GART: variants seen among roughly 807,000 people sequenced by gnomAD.
GART encodes the protein phosphoribosylglycinamide formyltransferase, phosphoribosylglycinamide synthetase, phosphoribosylaminoimidazole synthetase.
In GART, 43 loss-of-function variants were observed where a neutral mutation model predicts 107.2. The ratio of observed to expected loss-of-function variants is 0.40; its 90% CI spans 0.31 to 0.52. The LOEUF is 0.52. Among genes scored for constraint, GART ranks in the 20% least tolerant of loss-of-function variants. The pLI, the probability that GART is intolerant of heterozygous loss-of-function variation, is 0.52. For synonymous variants in GART, 434 were observed against 427.0 expected (o/e 1.02, Z -0.20); for missense variants, 1,107 against 1,206.5 (o/e 0.92, Z 1.22).
intron 7 of GART, among the ~76,000 whole-genome samples, chr21:33,530,144 A>G (rs1430864382): frequency 6.6e-6 from 1 of 152,230 alleles, no homozygotes; most frequent in Non-Finnish European, 1.5e-5. Flanking sequence ...GTGAGCCAAG[A>G]TCGTGCCACT....
chr21:33,530,013 G>T (rs2085153381), intron 7 of GART, among the ~76,000 whole-genome samples: 2 of 151,924 alleles, frequency 1.3e-5, no homozygotes, highest in Admixed American at 1.3e-4. Context: ...CCAACATGGT[G>T]AAACCCCATC....
upstream of GART, chr21:33,542,396 C>G (rs76650739): frequency 0.017 from 2,626 of 152,454 alleles, 32 homozygotes; most frequent in Non-Finnish European, 0.027. Context: ...TTGTGCGCCG[C>G]TCACGAGTCA....
At chr21:33,528,456 T>TA (rs2085115992) in intron 9 of GART, 63 bp downstream of exon 9, 3 of 1,543,432 alleles carry the variant, frequency 1.9e-6, no homozygotes, top group Non-Finnish European at 2.7e-6. Context: ...TCCAGGCTGA[T>TA]AAATTCCAAG....
chr21:33,539,238 A>C lies in GART; in HGVS notation c.78T>G (p.His26Gln). The C allele has an allele frequency of 1.2e-6, 2 of 1,614,220 alleles. No homozygotes were observed. The highest frequency in any genetic ancestry group is 1.6e-4 in the Middle Eastern group (1 of 6,062). ...TLAWKLAQSH[H>Q]VKQVLVAPGN... ...CTGGGGCAACCAACACTTGTTTGACATGATGAGACTGTGCAAGTTTCCAGG... is the reference window on the plus strand; with the variant it reads ...CTGGGGCAACCAACACTTGTTTGACCTGATGAGACTGTGCAAGTTTCCAGG... The change falls in exon 2 of 22, where the codon CAT becomes CAG. Residue 26 changes from histidine to glutamine, a missense_variant. His to Gln is a conservative substitution (Grantham distance 24). Coordinates refer to ENST00000381815, the MANE Select transcript of GART (RefSeq NM_000819.5).
chr21:33,520,887 C>G lies in GART; in HGVS notation c.1503+19G>C, dbSNP rs779275508. The G allele has an allele frequency of 6.5e-7, 1 of 1,542,800 alleles. No individual in the cohort carries two copies. Among genetic ancestry groups the G allele is most frequent in the Admixed American group, 1.9e-5 (1 of 53,250 alleles). On this transcript the variant is annotated intron_variant, in intron 13 of 21. Transcript: ENST00000381815. ...TCATCTTTCCTAAAAGGCCTTTATT[C>G]ACAAAGGTGTCTGATTACCTTTAGT... is the stretch of plus-strand genomic sequence containing the variant.
At chr21:33,522,043 G>A in intron 12 of GART, 145 bp downstream of exon 12, 1 of 563,838 alleles carries the variant, frequency 1.8e-6, no homozygotes, top group Non-Finnish European at 3.1e-6. Context: ...AGAAAAGAAA[G>A]CAGAAGACTG....
chr21:33,508,038 C>A (rs931332871), intron 18 of GART, among the ~76,000 whole-genome samples: 1 of 152,060 alleles, frequency 6.6e-6, no homozygotes, highest in Non-Finnish European at 1.5e-5. Flanking sequence ...ATTAAAAAAA[C>A]TCCCTTCCTC....
Position 33,535,330 on chromosome 21 carries a change from GAAAAAA to G in GART, c.146-16_146-11del. ...TCACTGATTGAGATGGCTGTAAACAGAAAAAAAAAAAAAAAAACCACTGCATTTACA... is the reference window on the plus strand; with the variant it reads ...TCACTGATTGAGATGGCTGTAAACAGAAAAAAAAAAACCACTGCATTTACA... On this transcript the variant is annotated splice_polypyrimidine_tract_variant and intron_variant, in intron 2 of 21. Transcript: ENST00000381815. 1.9e-5 allele frequency: 7 copies of G among 365,848 alleles called. No individual in the cohort carries two copies. The highest frequency in any genetic ancestry group is 3.1e-5 in the Non-Finnish European group (7 of 225,442). The allele number at this position is 365,848 out of a possible 1,614,324, so 22.7% of individuals were successfully genotyped here. A position where few individuals can be genotyped will look rare whatever the true frequency, so the allele number is the denominator to read the frequency against.
chr21:33,518,647 T>A lies in GART; in HGVS notation c.1703-1039A>T, dbSNP rs2084918985. ...ATAGCAGCTCCTAGTTACTTCATATTTTTTCTTCTTCAGAAGTTGACTCAA... is the reference window on the plus strand; with the variant it reads ...ATAGCAGCTCCTAGTTACTTCATATATTTTCTTCTTCAGAAGTTGACTCAA... On this transcript the variant is annotated intron_variant, in intron 14 of 21. Transcript: ENST00000381815. 1.2e-5 allele frequency: 5 copies of A among 401,498 alleles called. 1 individual carries two copies. The highest frequency in any genetic ancestry group is 7.8e-5 in the South Asian group (4 of 51,596). 24.9% of individuals were successfully genotyped at this position (401,498 alleles called of 1,614,324 possible).
rs2085129647 is a variant in GART, at chr21:33,528,952, GA to G, written c.724-16del. 6.4e-7 allele frequency: 1 copy of G among 1,555,472 alleles called. No individual in the cohort carries two copies. Among genetic ancestry groups the G allele is most frequent in the Non-Finnish European group, 8.9e-7 (1 of 1,126,932 alleles). ...TCATTAGAAACCTGGAGAACGTGCA[GA>G]AACAGTTAAATGTAACAGGTAACTT... On this transcript the variant is annotated splice_polypyrimidine_tract_variant and intron_variant, in intron 7 of 21. Transcript: ENST00000381815.
intron 10 of GART, among the ~76,000 whole-genome samples, chr21:33,526,357 G>A (rs1463048357): frequency 6.6e-6 from 1 of 151,374 alleles, no homozygotes; most frequent in African/African-American, 2.4e-5. Context: ...TATTTTTAGT[G>A]GAGACGGGGT....
intron 18 of GART, among the ~76,000 whole-genome samples, chr21:33,509,029 G>T (rs1210852571): frequency 6.6e-6 from 1 of 152,132 alleles, no homozygotes; most frequent in African/African-American, 2.4e-5. Context: ...TGGGCCTAAA[G>T]TACATTAAAA....
At chr21:33,532,285 T>G in intron 5 of GART, 60 bp downstream of exon 5, 5 of 1,187,852 alleles carry the variant, frequency 4.2e-6, no homozygotes, top group Non-Finnish European at 6.2e-6. Context: ...TTTTTAAACT[T>G]AAAACGGTAT....
chr21:33,509,884 C>T lies in GART; in HGVS notation c.2351G>A (p.Ser784Asn). The change falls in exon 18 of 22, where the codon AGC becomes AAC. Residue 784 changes from serine (S) to asparagine (N), a missense_variant. Transcript: ENST00000381815. ...PRVKVKNLIE[S>N]MQINGSVLKN... ...CAACACTGACCCATTTATTTGCATG[C>T]TTTCAATCAGATTCTTGACTTTCAC... is the stretch of plus-strand genomic sequence containing the variant. The T allele has an allele frequency of 1.2e-6, 2 of 1,613,418 alleles. No individual in the cohort carries two copies. The highest frequency in any genetic ancestry group is 1.7e-6 in the Non-Finnish European group (2 of 1,179,658).
At chr21:33,541,540 C>T (rs556986351) in intron 1 of GART, among the ~76,000 whole-genome samples, 1 of 152,316 alleles carries the variant, frequency 6.6e-6, no homozygotes, top group South Asian at 2.1e-4. Flanking sequence ...CTGAAAATAG[C>T]CTTACTACCC....
At chr21:33,514,400 G>A (rs2084841242) in intron 16 of GART, among the ~76,000 whole-genome samples, 2 of 152,174 alleles carry the variant, frequency 1.3e-5, no homozygotes, top group Admixed American at 1.3e-4. Context: ...AGACATTTGT[G>A]TAACTCAAAC....
chr21:33,511,144 C>T (rs151031341), intron 17 of GART, 108 bp downstream of exon 17: 38 of 1,074,408 alleles, frequency 3.5e-5, no homozygotes, highest in East Asian at 1.6e-4. Context: ...GTTGCCATAG[C>T]GATGGCTGCA....
At chr21:33,530,580 G>A (rs1160096075) in intron 7 of GART, 179 bp downstream of exon 7, 4 of 525,464 alleles carry the variant, frequency 7.6e-6, no homozygotes, top group African/African-American at 5.9e-5. Flanking sequence ...TTCAAAAAAG[G>A]CTTTTAGGAA....
rs191622387 is a variant in GART, at chr21:33,504,348, C to T, written c.2842-33G>A. The T allele has an allele frequency of 1.5e-3, 2,444 of 1,611,480 alleles. 15 individuals carry two copies. Among genetic ancestry groups the T allele is most frequent in the South Asian group, 3.7e-3 (340 of 91,014 alleles). On this transcript the variant is annotated intron_variant, in intron 21 of 21. Coordinates refer to ENST00000381815, the MANE Select transcript of GART (RefSeq NM_000819.5). ...AGTAAGCAAAAGTTTTGAACATTAC[C>T]TTCTAGCCAGTGTCATTTACATCTG... is the stretch of plus-strand genomic sequence containing the variant.
Sources: allele counts gnomAD v4.1 joint callset (sites outside exome capture counted in the v4.1 genomes callset), GRCh38; gene constraint gnomAD v4.1.1; transcripts MANE v1.5; gene names NCBI Gene and HGNC (gene_info 2026-07-23, HGNC 2026-07-21).